GALNT2: variants seen among roughly 807,000 people sequenced by gnomAD.
GALNT2 encodes polypeptide N-acetylgalactosaminyltransferase 2.
In GALNT2, 31 loss-of-function variants were observed where a neutral mutation model predicts 81.4. That is an observed-to-expected ratio of 0.38 (90% CI 0.29 to 0.51). The LOEUF (loss-of-function observed/expected upper bound fraction) is 0.51, where lower values mean the gene tolerates loss of function less well. Among genes scored for constraint, GALNT2 ranks in the 20% least tolerant of loss-of-function variants. GALNT2 has a pLI of 0.87. For synonymous variants in GALNT2, 303 were observed against 287.4 expected (o/e 1.05, Z -0.55); for missense variants, 629 against 765.7 (o/e 0.82, Z 2.11).
At chr1:230,249,159 C>G (rs1390927653) in intron 8 of GALNT2, 25 bp from the exon 9 acceptor site, 1 of 1,608,334 alleles carries the variant, frequency 6.2e-7, no homozygotes, top group East Asian at 2.2e-5. Flanking sequence ...CTTGTCAACA[C>G]CCTGTTTCTT....
At position 230,280,069 on chromosome 1, in the gene GALNT2, A is replaced by G. The variant is rs1572170684; in HGVS notation, c.*611A>G. 1 of 451,958 alleles carries G rather than the reference A, an allele frequency of 2.2e-6. No homozygotes were observed. The allele number at this position is 451,958 out of a possible 1,614,324, so 28.0% of individuals were successfully genotyped here. ...GGTGGGACACTAAATATAAAGCTAT[A>G]TAGAGAAAGAATGTACGGTCAGTTC... On this transcript the variant is annotated 3_prime_UTR_variant, in exon 16 of 16. Coordinates refer to ENST00000366672, the MANE Select transcript of GALNT2 (RefSeq NM_004481.5).
At chr1:230,165,255 A>G (rs566439926) in intron 1 of GALNT2, among the ~76,000 whole-genome samples, 2 of 152,342 alleles carry the variant, frequency 1.3e-5, no homozygotes, top group East Asian at 3.9e-4. Flanking sequence ...CATTGTGTAC[A>G]TAAAACTTTG....
chr1:230,145,522 A>G (rs1661888102), intron 1 of GALNT2, among the ~76,000 whole-genome samples: 1 of 152,236 alleles, frequency 6.6e-6, no homozygotes, highest in African/African-American at 2.4e-5. Context: ...ATAAATACAG[A>G]CTTTTAGAGA....
chr1:230,179,241 T>G (rs1282769553), intron 2 of GALNT2, among the ~76,000 whole-genome samples: 5 of 152,196 alleles, frequency 3.3e-5, no homozygotes, highest in African/African-American at 1.2e-4. Flanking sequence ...TTGGCAATTA[T>G]GATTAAAGCT....
chr1:230,128,661 T>TC (rs1348549968), intron 1 of GALNT2, among the ~76,000 whole-genome samples: 1 of 152,170 alleles, frequency 6.6e-6, no homozygotes, highest in Non-Finnish European at 1.5e-5. Context: ...TTTCCTTTTT[T>TC]CCCCCAAGCT....
At chr1:230,077,632 A>C (rs528743261) in intron 1 of GALNT2, among the ~76,000 whole-genome samples, 1 of 152,316 alleles carries the variant, frequency 6.6e-6, no homozygotes, top group African/African-American at 2.4e-5. Flanking sequence ...AAGTGTTCTA[A>C]AAGTTTTTCA....
intron 1 of GALNT2, among the ~76,000 whole-genome samples, chr1:230,118,565 A>C (rs550145061): frequency 6.6e-6 from 1 of 152,364 alleles, no homozygotes; most frequent in South Asian, 2.1e-4. Flanking sequence ...CAGGGTCACC[A>C]GAGTCCCTGT....
At chr1:230,146,120 C>T (rs1661907819) in intron 1 of GALNT2, among the ~76,000 whole-genome samples, 1 of 152,212 alleles carries the variant, frequency 6.6e-6, no homozygotes, top group Non-Finnish European at 1.5e-5. Flanking sequence ...TTTCCTTCTT[C>T]CTCCTGGGTT....
At chr1:230,157,146 C>T (rs1662282395) in intron 1 of GALNT2, among the ~76,000 whole-genome samples, 1 of 152,286 alleles carries the variant, frequency 6.6e-6, no homozygotes, top group African/African-American at 2.4e-5. Context: ...AGTTTAGATG[C>T]ATTTAAAAGC....
intron 1 of GALNT2, among the ~76,000 whole-genome samples, chr1:230,068,392 C>G (rs1408866046): frequency 6.6e-6 from 1 of 152,202 alleles, no homozygotes; most frequent in Non-Finnish European, 1.5e-5. Flanking sequence ...CGGCAGGGGA[C>G]GTTTGTAGTG....
chr1:230,258,179 T>TG (rs1201159866), intron 11 of GALNT2, among the ~76,000 whole-genome samples: 1 of 152,166 alleles, frequency 6.6e-6, no homozygotes. Context: ...CCTCCCAAAG[T>TG]GCTGGGATTA....
chr1:230,115,675 G>A (rs1417093579), intron 1 of GALNT2, among the ~76,000 whole-genome samples: 2 of 152,188 alleles, frequency 1.3e-5, no homozygotes, highest in African/African-American at 2.4e-5. Context: ...AGACAACAAT[G>A]AAATTTGCCA....
intron 1 of GALNT2, among the ~76,000 whole-genome samples, chr1:230,077,604 A>C (rs1659603172): frequency 6.6e-6 from 1 of 152,216 alleles, no homozygotes. Context: ...GGAAAATACA[A>C]GTGAAATACA....
chr1:230,236,484 G>A, intron 5 of GALNT2, 64 bp downstream of exon 5: 2 of 1,548,184 alleles, frequency 1.3e-6, no homozygotes, highest in Non-Finnish European at 1.8e-6. Context: ...TCTTCCTGTA[G>A]TGGGGGTGCT....
intron 1 of GALNT2, among the ~76,000 whole-genome samples, chr1:230,088,040 A>T (rs549947847): frequency 6.6e-6 from 1 of 152,264 alleles, no homozygotes; most frequent in African/African-American, 2.4e-5. Context: ...TAGTTGAGCA[A>T]TCCTGGATTC....
At chr1:230,244,267 CT>C (rs977188127) in intron 7 of GALNT2, among the ~76,000 whole-genome samples, 2 of 151,876 alleles carry the variant, frequency 1.3e-5, no homozygotes, top group African/African-American at 2.4e-5. Flanking sequence ...GGGGCTAGGC[CT>C]TTTTTATATG....
chr1:230,185,885 A>G (rs1374575176), intron 2 of GALNT2, among the ~76,000 whole-genome samples: 1 of 152,012 alleles, frequency 6.6e-6, no homozygotes, highest in South Asian at 2.1e-4. Context: ...ATTTTCCACT[A>G]CAGTTTAGGT....
chr1:230,157,726 G>A (rs1482450164), intron 1 of GALNT2, among the ~76,000 whole-genome samples: 1 of 152,182 alleles, frequency 6.6e-6, no homozygotes, highest in Non-Finnish European at 1.5e-5. Flanking sequence ...AAGAAGCCAG[G>A]TCCAAAGGCT....
chr1:230,175,047 T>C (rs1662918689), intron 1 of GALNT2, among the ~76,000 whole-genome samples: 1 of 152,214 alleles, frequency 6.6e-6, no homozygotes, highest in Admixed American at 6.5e-5. Flanking sequence ...TGGCCCCTGC[T>C]GTGTCTCTAG....
Sources: gnomAD v4.1 joint callset for allele counts (sites outside exome capture counted in the v4.1 genomes callset) on GRCh38, gnomAD v4.1.1 for gene constraint, MANE v1.5 for transcripts, NCBI Gene and HGNC (gene_info 2026-07-23, HGNC 2026-07-21) for gene names.